NRG4: variants seen among roughly 807,000 people sequenced by gnomAD.
NRG4 encodes the protein neuregulin 4.
A neutral mutation model predicts 15.0 loss-of-function variants in NRG4; 10 were observed. The ratio of observed to expected loss-of-function variants is 0.67; its 90% confidence interval spans 0.41 to 1.13. The LOEUF is 1.13. Ranked by LOEUF, NRG4 falls within the 50% of genes most tolerant of loss-of-function variation. The probability of loss-of-function intolerance (pLI) is 0.00; values close to 1 mark genes in which losing one functional copy is unlikely to be tolerated. For synonymous variants in NRG4, 41 were observed against 50.1 expected, an observed-to-expected ratio of 0.82 and a Z score of 0.77; for missense variants, 139 against 140.2, an observed-to-expected ratio of 0.99 and a Z score of 0.04.
intron 3 of NRG4, among the ~76,000 whole-genome samples, chr15:75,970,682 T>C (rs1016578335): frequency 2.0e-5 from 3 of 152,216 alleles, no homozygotes; most frequent in East Asian, 1.9e-4. Context: ...CACTGTGCAA[T>C]GTTTGGCTCT....
chr15:76,028,908 A>C (rs1185437272), intron 5 of NRG4, among the ~76,000 whole-genome samples: 4 of 150,690 alleles, frequency 2.7e-5, no homozygotes, highest in Non-Finnish European at 5.9e-5. Flanking sequence ...TCCTCCAAAA[A>C]AAAAAAAAAA....
chr15:75,998,726 C>A (rs1274939091), intron 3 of NRG4, among the ~76,000 whole-genome samples: 1 of 151,996 alleles, frequency 6.6e-6, no homozygotes, highest in Non-Finnish European at 1.5e-5. Flanking sequence ...AAAATCAAAT[C>A]TATGGGAAAA....
intron 5 of NRG4, among the ~76,000 whole-genome samples, chr15:76,024,254 T>C (rs1555438686): frequency 3.3e-5 from 5 of 152,138 alleles, no homozygotes; most frequent in Non-Finnish European, 7.4e-5. Flanking sequence ...GAAATAGCCC[T>C]GGGGGCTGCA....
chr15:75,995,519 C>G (rs561484836), intron 3 of NRG4, among the ~76,000 whole-genome samples: 28 of 152,068 alleles, frequency 1.8e-4, no homozygotes, highest in African/African-American at 6.5e-4. Context: ...TAGGCCCCCC[C>G]GCCCCAAACA....
At position 76,054,445 on chromosome 15, in the gene NRG4, G is replaced by A. The variant is rs1220096363; in HGVS notation, c.-261-1462C>T. Among the ~76,000 whole-genome samples, 11 of 151,596 alleles carry A rather than the reference G, an allele frequency of 7.3e-5. No individual in the cohort carries two copies. The East Asian group carries it at 1.8e-3, about 24-fold the overall frequency. ...TGTTTGTTTTTTGAGATGGAGTTCCGCTCTCATTGCCCAGGCTAGAGTGCA... is the reference window on the plus strand; with the variant it reads ...TGTTTGTTTTTTGAGATGGAGTTCCACTCTCATTGCCCAGGCTAGAGTGCA... On this transcript the variant is annotated intron_variant, in intron 2 of 8. Transcript: ENST00000563910.
chr15:75,978,669 C>T (rs2141847047), intron 3 of NRG4, among the ~76,000 whole-genome samples: 1 of 152,210 alleles, frequency 6.6e-6, no homozygotes, highest in Admixed American at 6.5e-5. Flanking sequence ...AGTGTACTAC[C>T]ATTCCCCTTT....
chr15:75,956,137 A>G, intron 4 of NRG4, 126 bp from the exon 5 acceptor site: 2 of 614,790 alleles, frequency 3.3e-6, no homozygotes, highest in Non-Finnish European at 5.8e-6. Flanking sequence ...ACATCAAATG[A>G]AAGTATAAAC....
At chr15:76,054,775 A>G (rs2036113832) in intron 2 of NRG4, among the ~76,000 whole-genome samples, 1 of 152,254 alleles carries the variant, frequency 6.6e-6, no homozygotes, top group Admixed American at 6.5e-5. Flanking sequence ...ATACCAATAG[A>G]AAATAAAGTA....
At chr15:75,951,415 C>G (rs1487290164) in intron 5 of NRG4, among the ~76,000 whole-genome samples, 1 of 151,912 alleles carries the variant, frequency 6.6e-6, no homozygotes, top group East Asian at 1.9e-4. Flanking sequence ...TGGTCTGCCC[C>G]CCTTGGCCTC....
intron 4 of NRG4, among the ~76,000 whole-genome samples, chr15:76,039,768 C>A (rs879790453): frequency 2.6e-5 from 4 of 152,078 alleles, no homozygotes; most frequent in African/African-American, 4.8e-5. Context: ...TGGCTGGGTG[C>A]GGTGGCTAAC....
chr15:76,049,532 G>C (rs2035948994), intron 4 of NRG4, among the ~76,000 whole-genome samples: 1 of 150,144 alleles, frequency 6.7e-6, no homozygotes, highest in Non-Finnish European at 1.5e-5. Context: ...ATATCTACTG[G>C]AAAGTCTGTT....
intron 5 of NRG4, among the ~76,000 whole-genome samples, chr15:75,946,506 C>T (rs564718385): frequency 6.6e-6 from 1 of 152,222 alleles, no homozygotes; most frequent in Admixed American, 6.5e-5. Flanking sequence ...TACAGGTGCC[C>T]GCCACCACGC....
intron 4 of NRG4, among the ~76,000 whole-genome samples, chr15:76,040,893 C>G (rs2035720093): frequency 6.6e-6 from 1 of 152,134 alleles, no homozygotes; most frequent in African/African-American, 2.4e-5. Context: ...CCACTGCACT[C>G]TAGCCTGGGT....
chr15:76,038,142 A>G (rs1439475715), intron 4 of NRG4, among the ~76,000 whole-genome samples: 1 of 152,230 alleles, frequency 6.6e-6, no homozygotes, highest in African/African-American at 2.4e-5. Flanking sequence ...CTTGGGTGAG[A>G]CTGGGAGACA....
upstream of NRG4, among the ~76,000 whole-genome samples, chr15:76,015,870 T>A (rs2034958660): frequency 6.6e-6 from 1 of 152,348 alleles, no homozygotes; most frequent in African/African-American, 2.4e-5. Context: ...TAAAATGAGT[T>A]AGGGAGGAGT....
At chr15:76,018,418 G>C (rs1469633489) in intron 5 of NRG4, among the ~76,000 whole-genome samples, 3 of 152,084 alleles carry the variant, frequency 2.0e-5, no homozygotes, top group African/African-American at 7.2e-5. Flanking sequence ...TCTGGGTTTT[G>C]GAATTTTCAG....
At chr15:76,036,040 G>A (rs1302067317) in intron 4 of NRG4, 1 of 152,194 alleles carries the variant, frequency 6.6e-6, no homozygotes, top group Non-Finnish European at 1.5e-5. Flanking sequence ...TTATGTAACA[G>A]TTTTATCTCC....
At chr15:75,976,757 T>C (rs2033382779) in intron 3 of NRG4, among the ~76,000 whole-genome samples, 7 of 152,284 alleles carry the variant, frequency 4.6e-5, no homozygotes, top group African/African-American at 9.6e-5. Flanking sequence ...CTGTATGAGA[T>C]GTCTGTTGAC....
At chr15:75,991,822 CTCTT>C (rs1368151028) in intron 3 of NRG4, among the ~76,000 whole-genome samples, 3 of 152,056 alleles carry the variant, frequency 2.0e-5, no homozygotes, top group African/African-American at 4.8e-5. Flanking sequence ...GTCTCACTCT[CTCTT>C]TCAATACACA....
Sources: allele counts gnomAD v4.1 joint callset (sites outside exome capture counted in the v4.1 genomes callset), GRCh38; gene constraint gnomAD v4.1.1; transcripts MANE v1.5; gene names NCBI Gene and HGNC (gene_info 2026-07-23, HGNC 2026-07-21).